Variants in PTPRD observed in about 807,000 individuals in gnomAD.
PTPRD encodes the protein receptor-type tyrosine-protein phosphatase delta.
A neutral mutation model predicts 214.5 loss-of-function variants in PTPRD; 34 were observed. That is an observed-to-expected ratio of 0.16 (90% CI 0.12 to 0.21). The LOEUF is 0.21. PTPRD is among the 10% of genes least tolerant of loss of function. The pLI, the probability that PTPRD is intolerant of heterozygous loss-of-function variation, is 1.00. For synonymous variants in PTPRD, 1,128 were observed against 845.7 expected, an observed-to-expected ratio of 1.33 and a Z score of -5.79; for missense variants, 2,545 against 2,398.7, an observed-to-expected ratio of 1.06 and a Z score of -1.27.
intron 6 of PTPRD, among the ~76,000 whole-genome samples, chr9:9,739,664 T>C (rs892313907): frequency 6.6e-6 from 1 of 152,052 alleles, no homozygotes; most frequent in African/African-American, 2.4e-5. Context: ...GTTGATCCCC[T>C]CTGTTGTATG....
Position 8,376,069 on chromosome 9 carries a change from C to T in PTPRD, c.4528G>A (p.Glu1510Lys). ...GCGGTGAACTGGAATTGTCTCACTT[C>T]TCTCTTCTCACTTGAACCATTCTGT... ...LYKNGSSEKR[E>K]VRQFQFTAWP... The change falls in exon 39 of 46, where the codon GAA becomes AAA. Residue 1510 changes from glutamate to lysine, a missense_variant. Glu to Lys is a moderately conservative substitution (Grantham distance 56). Transcript: ENST00000381196. 6.2e-7 allele frequency: 1 copy of T among 1,612,792 alleles called. No individual in the cohort carries two copies. Among genetic ancestry groups the T allele is most frequent in the South Asian group, 1.1e-5 (1 of 91,056 alleles).
intron 3 of PTPRD, among the ~76,000 whole-genome samples, chr9:10,262,929 G>A (rs2093793377): frequency 6.6e-6 from 1 of 152,096 alleles, no homozygotes; most frequent in Non-Finnish European, 1.5e-5. Context: ...TTGAATAAAG[G>A]GGGCAGTTTC....
intron 10 of PTPRD, among the ~76,000 whole-genome samples, chr9:9,064,597 A>G (rs1025907590): frequency 1.3e-5 from 2 of 152,196 alleles, no homozygotes; most frequent in Admixed American, 6.5e-5. Context: ...AGTCCATTAT[A>G]TTCAAGAACT....
At chr9:9,245,046 T>C (rs147986057) in intron 9 of PTPRD, among the ~76,000 whole-genome samples, 3,238 of 152,312 alleles carry the variant, frequency 0.021, 99 homozygotes, top group East Asian at 0.065. Context: ...ATGCTCATCA[T>C]CACTGGCCAT....
chr9:10,426,606 T>C (rs560875173), intron 2 of PTPRD, among the ~76,000 whole-genome samples: 9 of 152,172 alleles, frequency 5.9e-5, no homozygotes, highest in Admixed American at 2.6e-4. Flanking sequence ...GCAGTATAAC[T>C]TCACACTGAC....
chr9:8,474,104 T>A (rs1419980694), intron 30 of PTPRD, among the ~76,000 whole-genome samples: 1 of 152,168 alleles, frequency 6.6e-6, no homozygotes, highest in East Asian at 1.9e-4. Flanking sequence ...CCCCTGCCCA[T>A]GAACCTCAGA....
At chr9:9,166,010 A>C (rs1039788549) in intron 10 of PTPRD, among the ~76,000 whole-genome samples, 84 of 152,236 alleles carry the variant, frequency 5.5e-4, no homozygotes, top group African/African-American at 2.0e-3. Context: ...ATATAAATTT[A>C]GTCAGGTACA....
chr9:9,884,371 CA>C (rs1250633797), intron 5 of PTPRD, among the ~76,000 whole-genome samples: 1 of 152,158 alleles, frequency 6.6e-6, no homozygotes, highest in Non-Finnish European at 1.5e-5. Context: ...CTTTCACCTT[CA>C]GTGTACATGT....
chr9:9,185,316 C>T (rs1477363796), intron 9 of PTPRD, among the ~76,000 whole-genome samples: 1 of 152,010 alleles, frequency 6.6e-6, no homozygotes, highest in Non-Finnish European at 1.5e-5. Flanking sequence ...AGTCAGCATG[C>T]CTCCATGTAT....
chr9:9,619,471 T>G (rs542266487), intron 7 of PTPRD, among the ~76,000 whole-genome samples: 1 of 148,098 alleles, frequency 6.8e-6, no homozygotes, highest in Non-Finnish European at 1.5e-5. Context: ...TGGGTATATA[T>G]TCACATATTC....
chr9:9,915,798 T>C (rs2080582781), intron 5 of PTPRD, among the ~76,000 whole-genome samples: 1 of 152,030 alleles, frequency 6.6e-6, no homozygotes, highest in Non-Finnish European at 1.5e-5. Context: ...GAGAAAATCA[T>C]ATTTAATGAA....
intron 2 of PTPRD, among the ~76,000 whole-genome samples, chr9:10,538,909 A>C (rs2135171736): frequency 6.6e-6 from 1 of 152,256 alleles, no homozygotes; most frequent in Admixed American, 6.5e-5. Context: ...CAGAAGTTTA[A>C]GGTGTTTATA....
intron 3 of PTPRD, among the ~76,000 whole-genome samples, chr9:10,103,099 C>G (rs1050735565): frequency 6.6e-6 from 1 of 151,412 alleles, no homozygotes; most frequent in Non-Finnish European, 1.5e-5. Context: ...CTGAGGGAGT[C>G]GGTCTATAGA....
intron 10 of PTPRD, among the ~76,000 whole-genome samples, chr9:9,120,201 C>G (rs1253474067): frequency 1.3e-5 from 2 of 152,164 alleles, no homozygotes; most frequent in Non-Finnish European, 2.9e-5. Context: ...TAGAGAAGTA[C>G]TAGACTGAAG....
intron 9 of PTPRD, among the ~76,000 whole-genome samples, chr9:9,196,595 C>G (rs887179382): frequency 6.6e-6 from 1 of 152,168 alleles, no homozygotes; most frequent in Non-Finnish European, 1.5e-5. Context: ...CTTTATTTTT[C>G]TAAGTCTTAT....
intron 8 of PTPRD, among the ~76,000 whole-genome samples, chr9:9,526,130 C>T (rs964746149): frequency 6.6e-6 from 1 of 151,976 alleles, no homozygotes; most frequent in South Asian, 2.1e-4. Context: ...CTTCTTTAGC[C>T]CAACTTACAT....
chr9:9,022,561 G>A (rs1465825890), intron 10 of PTPRD, among the ~76,000 whole-genome samples: 1 of 152,118 alleles, frequency 6.6e-6, no homozygotes, highest in Admixed American at 6.6e-5. Context: ...CCATAAGTTT[G>A]TAGTAGGTTG....
chr9:8,893,096 G>C (rs1205667298), intron 11 of PTPRD, among the ~76,000 whole-genome samples: 1 of 152,194 alleles, frequency 6.6e-6, no homozygotes, highest in Admixed American at 6.5e-5. Context: ...CATTTAATTA[G>C]GATGCTGAGT....
chr9:8,932,486 C>T (rs1220980943), intron 11 of PTPRD, among the ~76,000 whole-genome samples: 1 of 152,180 alleles, frequency 6.6e-6, no homozygotes, highest in African/African-American at 2.4e-5. Flanking sequence ...CCCTTTCCCC[C>T]AGGTGCTCTG....
Sources: allele counts gnomAD v4.1 joint callset (sites outside exome capture counted in the v4.1 genomes callset), GRCh38; gene constraint gnomAD v4.1.1; transcripts MANE v1.5; gene names NCBI Gene and HGNC (gene_info 2026-07-23, HGNC 2026-07-21).